AKAP10: variants seen among roughly 807,000 people sequenced by gnomAD.
The protein encoded by AKAP10 is A-kinase anchor protein 10, mitochondrial.
A neutral mutation model predicts 80.8 loss-of-function variants in AKAP10; 24 were observed. The observed-to-expected ratio is 0.30, with a 90% CI of 0.22 to 0.42. AKAP10 has a LOEUF of 0.42. Ranked by LOEUF, AKAP10 falls within the 10% of genes least tolerant of loss-of-function variation. The probability of loss-of-function intolerance (pLI) is 1.00; values close to 1 mark genes in which losing one functional copy is unlikely to be tolerated. For missense variants in AKAP10, 661 were observed against 794.9 expected (o/e 0.83, Z 2.03); for synonymous variants, 291 against 277.7 (o/e 1.05, Z -0.48).
chr17:19,916,916 G>A (rs7217928), intron 12 of AKAP10, among the ~76,000 whole-genome samples: 10,143 of 149,658 alleles, frequency 0.068, 1,002 homozygotes, highest in African/African-American at 0.22. Context: ...CAGCCCGGGC[G>A]ACAGAGCGAG....
At chr17:19,948,624 G>A (rs1226353290) in intron 4 of AKAP10, among the ~76,000 whole-genome samples, 1 of 152,086 alleles carries the variant, frequency 6.6e-6, no homozygotes, top group Non-Finnish European at 1.5e-5. Context: ...CTAAAGCCCT[G>A]ACTTTCTAGC....
chr17:19,946,275 ATTTTTTT>A (rs71157846), intron 5 of AKAP10, among the ~76,000 whole-genome samples: 118 of 12,908 alleles, frequency 9.1e-3, no homozygotes, highest in African/African-American at 0.022. Context: ...ATATATATAT[ATTTTTTT>A]TTTTTTTTTT....
chr17:19,946,242 TATA>T (rs2043115992), intron 5 of AKAP10, among the ~76,000 whole-genome samples: 4 of 13,706 alleles, frequency 2.9e-4, no homozygotes, highest in Non-Finnish European at 3.5e-4. Flanking sequence ...ATATATTATA[TATA>T]TATATATATA....
intron 10 of AKAP10, among the ~76,000 whole-genome samples, chr17:19,931,125 C>T (rs541791640): frequency 6.6e-6 from 1 of 151,786 alleles, no homozygotes; most frequent in Non-Finnish European, 1.5e-5. Flanking sequence ...AGCGAGGAGA[C>T]CCTGTCTCAA....
rs767799262 is a variant in AKAP10 at position 19,958,107 on chromosome 17, T to A, written c.784A>T (p.Met262Leu). Residue 262 changes from methionine to leucine, a missense_variant, in exon 4 of 15, where the codon ATG (methionine) becomes TTG (leucine). Transcript: ENST00000225737. ...MARAGTHQVS[M>L]ETQESSSTLT... is the part of the protein sequence containing the mutation. Reference sequence around the variant, plus strand: ...GTAGAGGAAGATTCTTGGGTTTCCATGGAAACTTGGTGAGTTCCTGCTCTG... The same window carrying A: ...GTAGAGGAAGATTCTTGGGTTTCCAAGGAAACTTGGTGAGTTCCTGCTCTG... 2.5e-6 allele frequency: 4 copies of A among 1,614,194 alleles called. No individual in the cohort carries two copies. In the East Asian group the frequency reaches 8.9e-5, roughly 36 times the overall value.
chr17:19,964,316 C>T (rs1177596527), intron 2 of AKAP10, among the ~76,000 whole-genome samples: 2 of 152,272 alleles, frequency 1.3e-5, no homozygotes, highest in Admixed American at 1.3e-4. Context: ...CTTATTTTTA[C>T]CACTCCTTCC....
At chr17:19,946,264 TATATATATATA>T (rs1178820704) in intron 5 of AKAP10, among the ~76,000 whole-genome samples, 11 of 31,326 alleles carry the variant, frequency 3.5e-4, no homozygotes, top group African/African-American at 1.3e-3. Context: ...TATATATATA[TATATATATATA>T]TTTTTTTTTT....
chr17:19,950,040 C>T (rs113480050), intron 4 of AKAP10, among the ~76,000 whole-genome samples: 14,997 of 152,098 alleles, frequency 0.099, 821 homozygotes, highest in Non-Finnish European at 0.12. Context: ...TGGTGGCTCA[C>T]GCCTGTAATC....
chr17:19,938,425 C>T (rs1010241485), intron 8 of AKAP10, among the ~76,000 whole-genome samples: 1 of 151,836 alleles, frequency 6.6e-6, no homozygotes, highest in Non-Finnish European at 1.5e-5. Flanking sequence ...TTAGTAGAGA[C>T]GGGGTTTTAC....
intron 5 of AKAP10, among the ~76,000 whole-genome samples, chr17:19,942,463 G>C (rs2043059999): frequency 6.6e-6 from 1 of 152,142 alleles, no homozygotes; most frequent in Non-Finnish European, 1.5e-5. Context: ...ACTAACACTA[G>C]TGTTAGTGGG....
chr17:19,948,972 C>A (rs2043167809), intron 4 of AKAP10, among the ~76,000 whole-genome samples: 1 of 152,140 alleles, frequency 6.6e-6, no homozygotes, highest in South Asian at 2.1e-4. Flanking sequence ...ATATTTTCCA[C>A]AGGATTTAAA....
intron 11 of AKAP10, among the ~76,000 whole-genome samples, chr17:19,920,958 T>A (rs1459678283): frequency 8.1e-6 from 1 of 123,460 alleles, no homozygotes; most frequent in South Asian, 2.6e-4. Context: ...ACATAGAGAA[T>A]CTTTTTTTTT....
chr17:19,962,953 C>T lies in AKAP10; in HGVS notation c.206G>A (p.Ser69Asn), dbSNP rs775235995. ...AGAAATGGCATTGATTGCAACATGA[C>T]TTGGTCCTGCAGCCTCCAGCAAGGC... ...NHALLEAAGP[S>N]HVAINAISAN... The change falls in exon 3 of 15, where the codon AGT (serine) becomes AAT (asparagine). Residue 69 changes from serine (S) to asparagine (N), a missense_variant. Physicochemically the swap from Ser to Asn is conservative, Grantham distance 46 (BLOSUM62 1). Coordinates refer to ENST00000225737, the MANE Select transcript of AKAP10 (RefSeq NM_007202.4). 3 of 1,614,014 alleles carry T rather than the reference C, an allele frequency of 1.9e-6. No individual in the cohort carries two copies. Among genetic ancestry groups the T allele is most frequent in the South Asian group, 2.2e-5 (2 of 91,088 alleles).
intron 2 of AKAP10, among the ~76,000 whole-genome samples, chr17:19,966,903 GC>G (rs1227845638): frequency 2.0e-5 from 3 of 151,926 alleles, no homozygotes; most frequent in Non-Finnish European, 4.4e-5. Flanking sequence ...ATCAAGTTTT[GC>G]TCAAAGAAGG....
intron 3 of AKAP10, among the ~76,000 whole-genome samples, chr17:19,961,611 C>G (rs1174265919): frequency 6.6e-6 from 1 of 152,092 alleles, no homozygotes; most frequent in Non-Finnish European, 1.5e-5. Flanking sequence ...GTTCATGGAT[C>G]TTTTTTTCAA....
intron 5 of AKAP10, among the ~76,000 whole-genome samples, chr17:19,946,189 TACTA>T (rs1470865852): frequency 0.015 from 1,391 of 94,638 alleles, 115 homozygotes; most frequent in African/African-American, 0.045. Flanking sequence ...TATGCATATA[TACTA>T]ATACATATAT....
chr17:19,968,500 T>C (rs2043452525), intron 1 of AKAP10, 39 bp from the exon 2 acceptor site: 1 of 1,531,618 alleles, frequency 6.5e-7, no homozygotes, highest in Non-Finnish European at 9.0e-7. Context: ...ACTTTTGCAG[T>C]CAGAGATCCA....
chr17:19,954,855 G>A (rs1431534330), intron 4 of AKAP10, among the ~76,000 whole-genome samples: 1 of 151,824 alleles, frequency 6.6e-6, no homozygotes, highest in Admixed American at 6.6e-5. Flanking sequence ...TTAGGCAAAG[G>A]GCTCTTAGGT....
chr17:19,949,057 A>T (rs2043168761), intron 4 of AKAP10, among the ~76,000 whole-genome samples: 1 of 152,202 alleles, frequency 6.6e-6, no homozygotes. Context: ...ATAAAGAACC[A>T]GAAAATCCCA....
Sources: gnomAD v4.1 joint callset for allele counts (sites outside exome capture counted in the v4.1 genomes callset) on GRCh38, gnomAD v4.1.1 for gene constraint, MANE v1.5 for transcripts, NCBI Gene and HGNC (gene_info 2026-07-23, HGNC 2026-07-21) for gene names.